RGSL1: variants seen among roughly 807,000 people sequenced by gnomAD.
RGSL1 encodes regulator of G protein signaling like 1.
In RGSL1, 97 loss-of-function variants were observed where a neutral mutation model predicts 124.7. That is an observed-to-expected ratio of 0.78 (90% CI 0.66 to 0.92). RGSL1 has a LOEUF of 0.92. Ranked by LOEUF, RGSL1 falls within the 40% of genes least tolerant of loss-of-function variation. The pLI is 0.00. For missense variants in RGSL1, 1,233 were observed against 1,288.4 expected (o/e 0.96, Z 0.66); for synonymous variants, 424 against 438.1 (o/e 0.97, Z 0.40).
intron 14 of RGSL1, among the ~76,000 whole-genome samples, chr1:182,534,618 G>A (rs755252878): frequency 1.8e-4 from 27 of 152,034 alleles, no homozygotes; most frequent in African/African-American, 4.8e-4. Flanking sequence ...ACTTGAGGTC[G>A]GGAATTCGAG....
chr1:182,551,321 C>G lies in RGSL1; in HGVS notation c.3043+112C>G, dbSNP rs553431677. On this transcript the variant is annotated intron_variant, in intron 18 of 21. Transcript: ENST00000294854. ...ACTTCCTTGAGGGTGTTTGCTGGAGCCGGGACAGCTCATTTACTTGGCCCT... is the reference window on the plus strand; with the variant it reads ...ACTTCCTTGAGGGTGTTTGCTGGAGGCGGGACAGCTCATTTACTTGGCCCT... 62 of 809,086 alleles carry G rather than the reference C, an allele frequency of 7.7e-5. No homozygotes were observed. In the Middle Eastern group the frequency reaches 8.6e-4, roughly 11 times the overall value. 50.1% of individuals were successfully genotyped at this position (809,086 alleles called of 1,614,324 possible).
intron 15 of RGSL1, among the ~76,000 whole-genome samples, chr1:182,547,540 C>T (rs1272826489): frequency 6.6e-6 from 1 of 152,104 alleles, no homozygotes; most frequent in Non-Finnish European, 1.5e-5. Flanking sequence ...AAAACATAAA[C>T]CAGACTAGAT....
intron 15 of RGSL1, among the ~76,000 whole-genome samples, chr1:182,544,349 A>G (rs537830441): frequency 6.6e-6 from 1 of 152,068 alleles, no homozygotes; most frequent in East Asian, 1.9e-4. Context: ...GTTTTTTTCC[A>G]TCATGGTCAG....
chr1:182,488,177 C>T, intron 6 of RGSL1, 108 bp from the exon 7 acceptor site: 1 of 1,078,104 alleles, frequency 9.3e-7, no homozygotes, highest in Non-Finnish European at 1.3e-6. Flanking sequence ...CTCCAAATTA[C>T]AGAACCCAGA....
At position 182,540,307 on chromosome 1, in the gene RGSL1, G is replaced by A. The variant is rs188214324; in HGVS notation, c.2555G>A (p.Ser852Asn). 20 of 1,551,562 alleles carry A rather than the reference G, an allele frequency of 1.3e-5. No individual in the cohort carries two copies. In the East Asian group the frequency reaches 4.6e-4, roughly 36 times the overall value. The change falls in exon 15 of 22, where the codon AGT (serine) becomes AAT (asparagine). Residue 852 changes from serine to asparagine, a missense_variant. Coordinates refer to ENST00000294854, the MANE Select transcript of RGSL1 (RefSeq NM_001137669.2). Reference sequence around the variant, plus strand: ...GCTCCACCCTCCACAAATGTCCGGAGTGCAGACCAAGAGAATGGAGAAATA... The same window carrying A: ...GCTCCACCCTCCACAAATGTCCGGAATGCAGACCAAGAGAATGGAGAAATA... ...RSAPPSTNVR[S>N]ADQENGEITL... is the part of the protein sequence containing the mutation.
At chr1:182,550,835 C>A (rs1010708233) in intron 17 of RGSL1, 3 of 457,508 alleles carry the variant, frequency 6.6e-6, no homozygotes, top group Non-Finnish European at 1.2e-5. Flanking sequence ...AGGCCCTTTA[C>A]AGGCTCCATT....
At chr1:182,451,274 C>T (rs976459770) in intron 1 of RGSL1, among the ~76,000 whole-genome samples, 2 of 152,156 alleles carry the variant, frequency 1.3e-5, no homozygotes, top group East Asian at 1.9e-4. Flanking sequence ...AAAGTCCCTC[C>T]TCTCACACGC....
intron 14 of RGSL1, among the ~76,000 whole-genome samples, chr1:182,538,337 G>A (rs768266540): frequency 6.6e-6 from 1 of 152,016 alleles, no homozygotes; most frequent in Non-Finnish European, 1.5e-5. Flanking sequence ...AGACCAGCCT[G>A]ACCAATATGG....
At chr1:182,514,659 A>C (rs1427527704) in intron 9 of RGSL1, among the ~76,000 whole-genome samples, 3 of 152,200 alleles carry the variant, frequency 2.0e-5, no homozygotes, top group Admixed American at 6.5e-5. Context: ...TTCACCAGGC[A>C]TCTGTTGGAG....
Position 182,474,079 on chromosome 1 carries a change from A to G in RGSL1, c.968A>G (p.Lys323Arg), listed in dbSNP as rs1394113417. ...HYAKISSMEN[K>R]AKSHLHMEAP... ...GCAAAAATATCCAGCATGGAGAATA[A>G]AGCCAAGAGCCACCTCCACATGGAA... The change falls in exon 6 of 22, where the codon AAA (lysine) becomes AGA (arginine). Residue 323 changes from lysine to arginine, a missense_variant. Coordinates refer to ENST00000294854, the MANE Select transcript of RGSL1 (RefSeq NM_001137669.2). 2 of 1,551,652 alleles carry G rather than the reference A, an allele frequency of 1.3e-6. No individual in the cohort carries two copies. Among genetic ancestry groups the G allele is most frequent in the African/African-American group, 2.7e-5 (2 of 73,030 alleles).
chr1:182,518,111 C>G (rs1167408113), intron 9 of RGSL1, among the ~76,000 whole-genome samples: 1 of 152,178 alleles, frequency 6.6e-6, no homozygotes, highest in Non-Finnish European at 1.5e-5. Context: ...ACAAACATGG[C>G]TCACTGCAGC....
At chr1:182,521,075 A>G (rs1658298190) in intron 9 of RGSL1, among the ~76,000 whole-genome samples, 1 of 152,110 alleles carries the variant, frequency 6.6e-6, no homozygotes, top group Admixed American at 6.5e-5. Flanking sequence ...TTTATTATTT[A>G]AAATTATTTT....
chr1:182,458,552 C>T (rs1271069452), intron 3 of RGSL1, among the ~76,000 whole-genome samples, 159 bp downstream of exon 3: 3 of 152,188 alleles, frequency 2.0e-5, no homozygotes, highest in African/African-American at 7.2e-5. Context: ...TCACTGCAAC[C>T]TTTGCCTCCC....
At position 182,511,851 on chromosome 1, in the gene RGSL1, A is replaced by T. The variant is rs144429827; in HGVS notation, c.1826-10153A>T. The stretch of plus-strand genomic sequence containing the variant: ...ATAGTATTGTCATTTTAACAGTATT[A>T]ATTCTTCCAGTCATGAGCATGGAGT... On this transcript the variant is annotated intron_variant, in intron 9 of 21. Coordinates refer to ENST00000294854, the MANE Select transcript of RGSL1 (RefSeq NM_001137669.2). Among the ~76,000 whole-genome samples, 36 of 152,300 alleles carry T rather than the reference A, an allele frequency of 2.4e-4. No individual in the cohort carries two copies. The East Asian group carries it at 6.6e-3, about 28-fold the overall frequency.
rs71124902 is a variant in RGSL1 at position 182,503,974 on chromosome 1, C to CTT, written c.1825+10868_1825+10869dup. On this transcript the variant is annotated intron_variant, in intron 9 of 21. Coordinates refer to ENST00000294854, the MANE Select transcript of RGSL1 (RefSeq NM_001137669.2). ...TTTTATTTGGTCCCTTTTGTAATTT[C>CTT]TTTTTTTTTTTTTTTTTTTTTTTTG... Among the ~76,000 whole-genome samples, 989 of 117,948 alleles carry CTT rather than the reference C, an allele frequency of 8.4e-3. 26 individuals are homozygous for CTT. The highest frequency in any genetic ancestry group is 0.022 in the South Asian group (82 of 3,684). 77.4% of individuals were successfully genotyped at this position (117,948 alleles called of 152,430 possible).
rs2102041087 is a variant in RGSL1 at position 182,474,149 on chromosome 1, C to T, written c.1038C>T (p.Ile346=). The T allele has an allele frequency of 6.4e-7, 1 of 1,552,076 alleles. No homozygotes were observed. The highest frequency in any genetic ancestry group is 8.7e-7 in the Non-Finnish European group (1 of 1,147,060). ...TKVSTHLRTV[I]PIVNHSSKMT... ...TCTCTACCCACCTGAGGACTGTCAT[C>T]CCCATTGTCAATCACTCCTCCAAGA... The change falls in exon 6 of 22, where the codon ATC becomes ATT. Residue 346 remains isoleucine (I), a synonymous_variant. Coordinates refer to ENST00000294854, the MANE Select transcript of RGSL1 (RefSeq NM_001137669.2).
In RGSL1 at chr1:182,539,707, A is replaced by T. The variant is rs528294855; in HGVS notation, c.2495-540A>T. Among the ~76,000 whole-genome samples, 18 of 152,312 alleles carry T rather than the reference A, an allele frequency of 1.2e-4. No homozygotes were observed. The South Asian group carries it at 3.7e-3, about 32-fold the overall frequency. On this transcript the variant is annotated intron_variant, in intron 14 of 21. Transcript: ENST00000294854. ...AGTCAAGAAACTTTCTAAAGGAAGC[A>T]TTCTATTTTTCTGACACACAATCCA...
chr1:182,489,108 A>G lies in RGSL1; in HGVS notation c.1623A>G (p.Glu541=). 6.4e-7 allele frequency: 1 copy of G among 1,551,674 alleles called. No homozygotes were observed. The highest frequency in any genetic ancestry group is 8.7e-7 in the Non-Finnish European group (1 of 1,147,000). Residue 541 remains glutamate (E), a synonymous_variant, in exon 8 of 22, where the codon GAA becomes GAG. Transcript: ENST00000294854. ...GCCAGGCTTTGGCTGACATGAAGGA[A>G]ATGGACTATAGGCAGTGGCGAAAGA... ...ELSQALADMK[E]MDYRQWRKIA...
upstream of RGSL1, among the ~76,000 whole-genome samples, chr1:182,449,810 T>G (rs546015902): frequency 5.3e-5 from 8 of 152,140 alleles, no homozygotes; most frequent in Non-Finnish European, 7.4e-5. Context: ...ATGTAACCGT[T>G]TACAAGACCC....
Sources: allele counts gnomAD v4.1 joint callset (sites outside exome capture counted in the v4.1 genomes callset), GRCh38; gene constraint gnomAD v4.1.1; transcripts MANE v1.5; gene names NCBI Gene and HGNC (gene_info 2026-07-23, HGNC 2026-07-21).